The following DAP variants were observed in gnomAD, a reference collection of about 807,000 sequenced individuals.
The protein encoded by DAP is death-associated protein 1.
Under a neutral mutation model 13.8 loss-of-function variants are expected in DAP, and 8 were observed. The observed-to-expected ratio is 0.58, with a 90% CI of 0.34 to 1.05. DAP has a LOEUF of 1.05. Ranked by LOEUF, DAP falls within the 50% of genes least tolerant of loss-of-function variation. The pLI is 0.03. For missense variants in DAP, 106 were observed against 133.2 expected, an observed-to-expected ratio of 0.80 and a Z score of 1.01; for synonymous variants, 47 against 47.5, an observed-to-expected ratio of 0.99 and a Z score of 0.04.
At position 10,707,686 on chromosome 5, in the gene DAP, G is replaced by A. The variant is rs1408881584; in HGVS notation, c.153-24115C>T. 6.6e-6 allele frequency among the ~76,000 whole-genome samples: 1 copy of A among 152,168 alleles called. No individual in the cohort carries two copies. The highest frequency in any genetic ancestry group is 1.5e-5 in the Non-Finnish European group (1 of 68,034). On this transcript the variant is annotated intron_variant, in intron 2 of 3. Transcript: ENST00000230895. This position sits in a 1 kb window ranked among gnomAD's most constrained non-coding sequence, Gnocchi z 4.0. The stretch of plus-strand genomic sequence containing the variant: ...TTGCGATCAGTGTGGTGCACAGGCG[G>A]CGTGATGTACAGGTGGTGTGATGCA...
chr5:10,700,731 G>A lies in DAP; in HGVS notation c.153-17160C>T, dbSNP rs558905070. Among the ~76,000 whole-genome samples, 81 of 152,194 alleles carry A rather than the reference G, an allele frequency of 5.3e-4. 1 individual carries two copies. Among genetic ancestry groups the A allele is most frequent in the Admixed American group, 3.3e-4 (5 of 15,288 alleles). ...CAGGAGCCACCACCCAGATGGGGCC[G>A]GCCTTGCTGCGGCAAGAGGGTGCTG... On this transcript the variant is annotated intron_variant, in intron 2 of 3. Coordinates refer to ENST00000230895, the MANE Select transcript of DAP (RefSeq NM_004394.3).
chr5:10,704,443 C>T (rs1334295700), intron 2 of DAP, among the ~76,000 whole-genome samples: 1 of 152,092 alleles, frequency 6.6e-6, no homozygotes, highest in Non-Finnish European at 1.5e-5. Context: ...TCACCACTTC[C>T]TATGTGTCTC....
chr5:10,700,600 G>C (rs956350805), intron 2 of DAP, among the ~76,000 whole-genome samples: 5 of 152,326 alleles, frequency 3.3e-5, no homozygotes, highest in African/African-American at 1.2e-4. Flanking sequence ...ATGGTAGTCA[G>C]CGTGCATGGA....
chr5:10,726,975 G>A (rs1025625679), intron 2 of DAP, among the ~76,000 whole-genome samples: 1 of 152,194 alleles, frequency 6.6e-6, no homozygotes, highest in African/African-American at 2.4e-5. Context: ...GTACAGGGCT[G>A]CTGGTGACCT....
chr5:10,739,943 A>G (rs923590965), intron 2 of DAP, among the ~76,000 whole-genome samples: 21 of 152,182 alleles, frequency 1.4e-4, no homozygotes, highest in Non-Finnish European at 5.9e-5. Flanking sequence ...CTTTACTTAA[A>G]AATTAAAAGA....
intron 2 of DAP, among the ~76,000 whole-genome samples, chr5:10,690,846 A>G (rs1030467135): frequency 9.9e-5 from 15 of 152,228 alleles, no homozygotes; most frequent in African/African-American, 3.6e-4. Flanking sequence ...TAACTTTCTG[A>G]GGAATCACCA....
chr5:10,752,563 T>C lies in DAP; in HGVS notation c.56-4292A>G, dbSNP rs113248018. On this transcript the variant is annotated intron_variant, in intron 1 of 3. Transcript: ENST00000230895. Reference sequence around the variant, plus strand: ...TCAAATGTAAAAAATAAGCTTCCTCTTAGCAGAAGTGCTGTGCAGAGGATA... The same window carrying C: ...TCAAATGTAAAAAATAAGCTTCCTCCTAGCAGAAGTGCTGTGCAGAGGATA... 4.5e-3 allele frequency among the ~76,000 whole-genome samples: 692 copies of C among 152,352 alleles called. 3 individuals carry two copies. The highest frequency in any genetic ancestry group is 0.022 in the South Asian group (105 of 4,830).
chr5:10,683,119 G>A (rs552126049), intron 3 of DAP: 2 of 245,420 alleles, frequency 8.1e-6, no homozygotes, highest in South Asian at 8.9e-5. Context: ...GGCTGGCTGC[G>A]GTCACAGCTC....
intron 1 of DAP, among the ~76,000 whole-genome samples, chr5:10,755,786 A>G (rs1010173250): frequency 6.6e-6 from 1 of 152,354 alleles, no homozygotes; most frequent in South Asian, 2.1e-4. Context: ...CCAAGTAAGA[A>G]TGCACAGGGC....
intron 1 of DAP, among the ~76,000 whole-genome samples, chr5:10,750,197 G>A (rs1740011448): frequency 6.6e-6 from 1 of 152,126 alleles, no homozygotes. Context: ...TAAACTGAGT[G>A]GACCCTGCCG....
At chr5:10,681,210 G>A in intron 3 of DAP, 41 bp from the exon 4 acceptor site, 1 of 1,438,362 alleles carries the variant, frequency 7.0e-7, no homozygotes, top group Non-Finnish European at 9.2e-7. Context: ...TCAATAGGAA[G>A]CATGGGGTTT....
At chr5:10,689,474 G>A (rs1738244485) in intron 2 of DAP, among the ~76,000 whole-genome samples, 1 of 152,216 alleles carries the variant, frequency 6.6e-6, no homozygotes, top group African/African-American at 2.4e-5. Flanking sequence ...CGCTGTCCTT[G>A]TGAAACCCCA....
intron 3 of DAP, chr5:10,683,234 GGTTCACTGCGGGGGTTTGCTGATGGGA>G (rs1738068776): frequency 2.1e-6 from 1 of 479,680 alleles, no homozygotes; most frequent in East Asian, 3.9e-5. Context: ...AATACTGTGG[GGTTCACTGCGGGGGTTTGCTGATGGGA>G]GTTCACTGGT....
intron 2 of DAP, among the ~76,000 whole-genome samples, chr5:10,712,529 G>A (rs779108513): frequency 1.2e-4 from 18 of 152,274 alleles, no homozygotes; most frequent in South Asian, 2.1e-4. Context: ...GACTGAGCAC[G>A]GTGTATTCTG....
intron 2 of DAP, among the ~76,000 whole-genome samples, chr5:10,687,079 C>G (rs892408618): frequency 6.6e-6 from 1 of 152,170 alleles, no homozygotes; most frequent in African/African-American, 2.4e-5. Flanking sequence ...GATGACAGAG[C>G]CTGGATGACG....
intron 1 of DAP, among the ~76,000 whole-genome samples, chr5:10,751,160 T>C (rs1478270461): frequency 6.6e-6 from 1 of 152,182 alleles, no homozygotes; most frequent in Non-Finnish European, 1.5e-5. Flanking sequence ...CTGCCTCCTG[T>C]GGGCCCACCT....
At chr5:10,757,971 C>T (rs1215795206) in intron 1 of DAP, among the ~76,000 whole-genome samples, 2 of 152,006 alleles carry the variant, frequency 1.3e-5, no homozygotes, top group South Asian at 2.1e-4. Flanking sequence ...AAGGGGATTG[C>T]GGGGAATGTA....
At chr5:10,705,597 T>A (rs1469725945) in intron 2 of DAP, among the ~76,000 whole-genome samples, 11 of 152,230 alleles carry the variant, frequency 7.2e-5, no homozygotes, top group Non-Finnish European at 1.5e-4. Flanking sequence ...GTGTGTACTA[T>A]CTGGGCGAAA....
chr5:10,702,504 C>A (rs1488672199), intron 2 of DAP, among the ~76,000 whole-genome samples: 1 of 152,170 alleles, frequency 6.6e-6, no homozygotes, highest in African/African-American at 2.4e-5. Flanking sequence ...CCAGCTTTTG[C>A]CAGACTGACC....
Sources: gnomAD v4.1 joint callset for allele counts (sites outside exome capture counted in the v4.1 genomes callset) on GRCh38, gnomAD v4.1.1 for gene constraint, Gnocchi (gnomAD v3.1) non-coding constraint, MANE v1.5 for transcripts, NCBI Gene and HGNC (gene_info 2026-07-23, HGNC 2026-07-21) for gene names.